Variants in STX8 observed in about 807,000 individuals in gnomAD.
STX8 encodes the protein syntaxin 8.
STX8 carries 23 observed loss-of-function variants against 37.5 expected under a neutral mutation model. The observed-to-expected ratio is 0.61, with a 90% CI of 0.44 to 0.87. The LOEUF (loss-of-function observed/expected upper bound fraction) is 0.87, where lower values mean the gene tolerates loss of function less well. Among genes scored for constraint, STX8 ranks in the 40% least tolerant of loss-of-function variants. The pLI, the probability that STX8 is intolerant of heterozygous loss-of-function variation, is 0.00. For missense variants in STX8, 313 were observed against 284.7 expected (o/e 1.10, Z -0.71); for synonymous variants, 115 against 99.1 (o/e 1.16, Z -0.95).
At chr17:9,257,455 A>C (rs894854872) in intron 7 of STX8, among the ~76,000 whole-genome samples, 4 of 152,116 alleles carry the variant, frequency 2.6e-5, no homozygotes, top group Admixed American at 2.0e-4. Flanking sequence ...GTGCTTACTG[A>C]CATGGAGGAG....
chr17:9,387,021 T>G (rs985564688), intron 6 of STX8, among the ~76,000 whole-genome samples: 1 of 151,392 alleles, frequency 6.6e-6, no homozygotes, highest in African/African-American at 2.4e-5. Flanking sequence ...AGGCACCCCT[T>G]AAGTATTTCT....
chr17:9,457,131 T>C (rs757319912), intron 6 of STX8, among the ~76,000 whole-genome samples: 1 of 152,242 alleles, frequency 6.6e-6, no homozygotes, highest in Admixed American at 6.5e-5. Context: ...GCCATCATTC[T>C]TTCCATCTCG....
chr17:9,302,579 G>A (rs1026433763), intron 7 of STX8, among the ~76,000 whole-genome samples: 1 of 152,154 alleles, frequency 6.6e-6, no homozygotes, highest in Non-Finnish European at 1.5e-5. Flanking sequence ...CAGAAGCGGT[G>A]TGGCCCACTT....
chr17:9,480,038 C>A (rs1482920232), intron 6 of STX8, among the ~76,000 whole-genome samples: 1 of 152,192 alleles, frequency 6.6e-6, no homozygotes, highest in Non-Finnish European at 1.5e-5. Flanking sequence ...GTTCAAATAT[C>A]ATTTTCCCAG....
chr17:9,498,802 A>G (rs1904508201), intron 5 of STX8, among the ~76,000 whole-genome samples: 1 of 151,986 alleles, frequency 6.6e-6, no homozygotes, highest in Admixed American at 6.6e-5. Flanking sequence ...ATCAAGAAAG[A>G]CCTCCTGGGT....
chr17:9,402,702 A>T (rs781631338), intron 6 of STX8, among the ~76,000 whole-genome samples: 2 of 148,606 alleles, frequency 1.3e-5, no homozygotes, highest in Non-Finnish European at 3.0e-5. Context: ...TTCACCCTTC[A>T]ATACCTACTC....
Position 9,339,003 on chromosome 17 carries a change from G to A in STX8, c.643+39549C>T, listed in dbSNP as rs549993903. Among the ~76,000 whole-genome samples, 17 of 150,598 alleles carry A rather than the reference G, an allele frequency of 1.1e-4. No homozygotes were observed. In the South Asian group the frequency reaches 1.3e-3, roughly 11 times the overall value. On this transcript the variant is annotated intron_variant, in intron 7 of 7. Transcript: ENST00000306357. ...GGAGAATGGCGTGAACCCGGGAAGC[G>A]GAGCTTGCAGTGAACAGAGATCATG...
intron 6 of STX8, among the ~76,000 whole-genome samples, chr17:9,433,073 AG>A (rs1490715502): frequency 6.6e-6 from 1 of 152,236 alleles, no homozygotes. Context: ...TTGTGAAAAT[AG>A]TTCTAGTCCT....
At chr17:9,480,789 C>A (rs8081313) in intron 6 of STX8, among the ~76,000 whole-genome samples, 1 of 152,186 alleles carries the variant, frequency 6.6e-6, no homozygotes, top group Non-Finnish European at 1.5e-5. Flanking sequence ...AACACAGCCA[C>A]GTAGAGAAAA....
At chr17:9,440,526 T>TTTTA (rs10696245) in intron 6 of STX8, among the ~76,000 whole-genome samples, 256 of 23,682 alleles carry the variant, frequency 0.011, 3 homozygotes, top group South Asian at 0.074. Context: ...GAATCAATGA[T>TTTTA]TTTTTTTTTT....
chr17:9,372,648 T>G (rs982906527), intron 7 of STX8, among the ~76,000 whole-genome samples: 1 of 151,718 alleles, frequency 6.6e-6, no homozygotes, highest in Non-Finnish European at 1.5e-5. Flanking sequence ...TGGCTAATTT[T>G]TGTATTCTTA....
At chr17:9,330,989 C>T (rs927311371) in intron 7 of STX8, among the ~76,000 whole-genome samples, 28 of 152,172 alleles carry the variant, frequency 1.8e-4, no homozygotes, top group African/African-American at 6.5e-4. Context: ...AGGCCTCCGG[C>T]GCCAACTCTT....
intron 7 of STX8, among the ~76,000 whole-genome samples, chr17:9,316,113 T>C (rs1482809305): frequency 6.6e-6 from 1 of 152,036 alleles, no homozygotes; most frequent in African/African-American, 2.4e-5. Flanking sequence ...CTGTAGGACA[T>C]GCTCAAAGGA....
chr17:9,372,153 G>A (rs1330591398), intron 7 of STX8, among the ~76,000 whole-genome samples: 1 of 152,192 alleles, frequency 6.6e-6, no homozygotes, highest in Non-Finnish European at 1.5e-5. Context: ...GAGTATGTAT[G>A]TCCAGGGGGC....
chr17:9,466,581 AACTC>A (rs1905623513), intron 6 of STX8, among the ~76,000 whole-genome samples: 1 of 152,204 alleles, frequency 6.6e-6, no homozygotes, highest in Non-Finnish European at 1.5e-5. Flanking sequence ...AAACTGCAAA[AACTC>A]AGGAAGAGTG....
intron 6 of STX8, among the ~76,000 whole-genome samples, chr17:9,434,481 C>T (rs1904355723): frequency 6.6e-6 from 1 of 152,184 alleles, no homozygotes; most frequent in South Asian, 2.1e-4. Flanking sequence ...TAGGTATAGC[C>T]ATAGTTCCAA....
Position 9,540,130 on chromosome 17 carries a change from A to G in STX8, c.323+5042T>C, listed in dbSNP as rs76129758. On this transcript the variant is annotated intron_variant, in intron 4 of 7. Coordinates refer to ENST00000306357, the MANE Select transcript of STX8 (RefSeq NM_004853.3). ...TACTCTTACATAGGCAGGTGAAGGAAATCAAACAACAGCAACTCTGACCTC... is the reference window on the plus strand; with the variant it reads ...TACTCTTACATAGGCAGGTGAAGGAGATCAAACAACAGCAACTCTGACCTC... Among the ~76,000 whole-genome samples, 1,418 of 152,254 alleles carry G rather than the reference A, an allele frequency of 9.3e-3. 16 individuals carry two copies. The highest frequency in any genetic ancestry group is 0.034 in the Middle Eastern group (10 of 294).
chr17:9,493,412 G>A (rs1466010139), intron 5 of STX8, among the ~76,000 whole-genome samples: 2 of 152,168 alleles, frequency 1.3e-5, no homozygotes, highest in African/African-American at 4.8e-5. Flanking sequence ...TTCAGTGCCT[G>A]GCCCCTTCAG....
intron 7 of STX8, among the ~76,000 whole-genome samples, chr17:9,306,297 C>T (rs1205688380): frequency 2.0e-5 from 3 of 152,104 alleles, no homozygotes; most frequent in Non-Finnish European, 2.9e-5. Context: ...TCTCAGAACA[C>T]ACCCCTGTTG....
Sources: gnomAD v4.1 joint callset for allele counts (sites outside exome capture counted in the v4.1 genomes callset) on GRCh38, gnomAD v4.1.1 for gene constraint, MANE v1.5 for transcripts, NCBI Gene and HGNC (gene_info 2026-07-23, HGNC 2026-07-21) for gene names.